Variants in HSD17B3 observed in about 807,000 individuals in gnomAD.
The protein encoded by HSD17B3 is 17-beta-hydroxysteroid dehydrogenase type 3.
In HSD17B3, 29 loss-of-function variants were observed where a neutral mutation model predicts 41.1. That is an observed-to-expected ratio of 0.71 (90% CI 0.53 to 0.96). The LOEUF (loss-of-function observed/expected upper bound fraction) is 0.96, where lower values mean the gene tolerates loss of function less well. HSD17B3 is among the 40% of genes least tolerant of loss of function. The pLI is 0.00. For missense variants in HSD17B3, 323 were observed against 374.6 expected, an observed-to-expected ratio of 0.86 and a Z score of 1.14; for synonymous variants, 126 against 145.6, an observed-to-expected ratio of 0.87 and a Z score of 0.97.
rs1403640182 is a variant in HSD17B3, at chr9:96,279,282, A to G, written c.201+19134T>C. Among the ~76,000 whole-genome samples, 4 of 152,370 alleles carry G rather than the reference A, an allele frequency of 2.6e-5. No homozygotes were observed. The East Asian group carries it at 7.7e-4, about 29-fold the overall frequency. On this transcript the variant is annotated intron_variant, in intron 2 of 10. Transcript: ENST00000375263. ...TTGGTCTTACATGTTTTAGAGAGAC[A>G]TAAGATATCCATCAATACATGTAAG...
intron 2 of HSD17B3, among the ~76,000 whole-genome samples, chr9:96,265,142 G>A (rs1353892327): frequency 1.3e-5 from 2 of 152,144 alleles, no homozygotes; most frequent in Admixed American, 6.5e-5. Flanking sequence ...GACAGCTCAC[G>A]GCCAGTAAGG....
intron 9 of HSD17B3, 89 bp from the exon 10 acceptor site, chr9:96,240,996 T>C (rs961597956): frequency 8.1e-6 from 12 of 1,477,534 alleles, no homozygotes; most frequent in Non-Finnish European, 1.1e-5. Flanking sequence ...CATCCCACCA[T>C]TTCCCGACCC....
At chr9:96,292,168 A>T (rs1371078704) in intron 2 of HSD17B3, among the ~76,000 whole-genome samples, 2 of 152,108 alleles carry the variant, frequency 1.3e-5, no homozygotes, top group Non-Finnish European at 2.9e-5. Flanking sequence ...GAACTTGAAG[A>T]TTAAAAAAAA....
At chr9:96,249,644 G>A (rs561262802) in intron 6 of HSD17B3, 107 bp downstream of exon 6, 22 of 1,010,312 alleles carry the variant, frequency 2.2e-5, no homozygotes, top group Admixed American at 1.9e-4. Flanking sequence ...AGTGTGGTTC[G>A]ATTTCAAAGA....
At chr9:96,256,709 G>A (rs908253779) in intron 2 of HSD17B3, among the ~76,000 whole-genome samples, 2 of 151,498 alleles carry the variant, frequency 1.3e-5, no homozygotes, top group Non-Finnish European at 2.9e-5. Context: ...CACATAAGAA[G>A]CTGAATTATG....
At chr9:96,244,210 C>T (rs8190553) in intron 9 of HSD17B3, 119 bp downstream of exon 9, 10 of 994,126 alleles carry the variant, frequency 1.0e-5, no homozygotes, top group Admixed American at 5.1e-5. Flanking sequence ...ACATGAGCAG[C>T]CAGACCCACA....
chr9:96,267,424 T>A (rs1213315329), intron 2 of HSD17B3, among the ~76,000 whole-genome samples: 1 of 151,906 alleles, frequency 6.6e-6, no homozygotes, highest in Non-Finnish European at 1.5e-5. Flanking sequence ...TCCCAAAGTG[T>A]TGAGATTACA....
chr9:96,277,002 C>T (rs961336984), intron 2 of HSD17B3, among the ~76,000 whole-genome samples: 1 of 152,062 alleles, frequency 6.6e-6, no homozygotes, highest in African/African-American at 2.4e-5. Flanking sequence ...GAGATCGAGA[C>T]CATCCTGGCT....
chr9:96,284,370 C>T (rs1826827583), intron 2 of HSD17B3, among the ~76,000 whole-genome samples: 1 of 151,968 alleles, frequency 6.6e-6, no homozygotes, highest in Admixed American at 6.6e-5. Context: ...CTACTGTGAA[C>T]AAAATTTGGA....
At chr9:96,278,223 T>C (rs957218591) in intron 2 of HSD17B3, among the ~76,000 whole-genome samples, 4 of 152,166 alleles carry the variant, frequency 2.6e-5, no homozygotes, top group African/African-American at 9.7e-5. Context: ...ATTATATGCT[T>C]GAAATTTGCT....
intron 6 of HSD17B3, among the ~76,000 whole-genome samples, chr9:96,249,108 T>A (rs1281286982): frequency 1.3e-5 from 2 of 152,146 alleles, no homozygotes. Flanking sequence ...GGTTTCACCA[T>A]GTTGGACAGG....
At chr9:96,284,049 C>T (rs1826809977) in intron 2 of HSD17B3, among the ~76,000 whole-genome samples, 1 of 151,786 alleles carries the variant, frequency 6.6e-6, no homozygotes, top group South Asian at 2.1e-4. Context: ...GAAACCCCAT[C>T]TCTACTAAAA....
chr9:96,276,661 T>C (rs1489848249), intron 2 of HSD17B3, among the ~76,000 whole-genome samples: 4 of 152,184 alleles, frequency 2.6e-5, no homozygotes, highest in Non-Finnish European at 5.9e-5. Context: ...TAGGAAAAGA[T>C]AGTCTCTTCA....
intron 2 of HSD17B3, among the ~76,000 whole-genome samples, chr9:96,295,507 G>A (rs1304730344): frequency 6.6e-6 from 1 of 151,656 alleles, no homozygotes; most frequent in Non-Finnish European, 1.5e-5. Context: ...GCTAATTTTT[G>A]TATTGTAAGT....
chr9:96,284,925 A>G (rs866474786), intron 2 of HSD17B3, among the ~76,000 whole-genome samples: 3 of 149,270 alleles, frequency 2.0e-5, no homozygotes, highest in Non-Finnish European at 3.0e-5. Flanking sequence ...TGCAACCTCT[A>G]CCTCCTCAGT....
intron 2 of HSD17B3, among the ~76,000 whole-genome samples, chr9:96,290,628 G>A (rs1827119298): frequency 6.6e-6 from 1 of 151,926 alleles, no homozygotes; most frequent in African/African-American, 2.4e-5. Context: ...GAGGTCAGGA[G>A]TTTGAGACCA....
intron 2 of HSD17B3, among the ~76,000 whole-genome samples, chr9:96,275,064 G>A (rs903501905): frequency 1.3e-5 from 2 of 151,858 alleles, no homozygotes; most frequent in Non-Finnish European, 2.9e-5. Context: ...CAAAAAGAGA[G>A]TGGGATAATA....
chr9:96,240,914 C>A lies in HSD17B3; in HGVS notation c.673-7G>T, dbSNP rs555543713. On this transcript the variant is annotated splice_polypyrimidine_tract_variant and splice_region_variant and intron_variant, in intron 9 of 10. Coordinates refer to ENST00000375263, the MANE Select transcript of HSD17B3 (RefSeq NM_000197.2). ...CAGCATATGGGGTCAGCACCTACAA[C>A]GGGAAACAAAGACCATGGCACAGAA... 13 of 1,614,098 alleles carry A rather than the reference C, an allele frequency of 8.1e-6. No individual in the cohort carries two copies. The highest frequency in any genetic ancestry group is 2.2e-5 in the East Asian group (1 of 44,882).
rs1009959314 is a variant in HSD17B3, at chr9:96,249,851, T to A, written c.454-65A>T. ...TAGAGAAATTCTCCTGGAAAGTAGT[T>A]GGTGCTAAAGAACCATGAAGTGGGC... On this transcript the variant is annotated intron_variant, in intron 5 of 10. Transcript: ENST00000375263. 5.0e-6 allele frequency: 8 copies of A among 1,612,922 alleles called. No individual in the cohort carries two copies. In the Admixed American group the frequency reaches 1.3e-4, roughly 27 times the overall value.
Sources: allele counts gnomAD v4.1 joint callset (sites outside exome capture counted in the v4.1 genomes callset), GRCh38; gene constraint gnomAD v4.1.1; transcripts MANE v1.5; gene names NCBI Gene and HGNC (gene_info 2026-07-23, HGNC 2026-07-21).